The following CALN1 variants were observed in gnomAD, a reference collection of about 807,000 sequenced individuals.
CALN1 encodes calcium-binding protein 8.
A neutral mutation model predicts 30.6 loss-of-function variants in CALN1; 17 were observed. The ratio of observed to expected loss-of-function variants is 0.56; its 90% CI spans 0.38 to 0.83. The LOEUF (loss-of-function observed/expected upper bound fraction) is 0.83. Ranked by LOEUF, CALN1 falls within the 40% of genes least tolerant of loss-of-function variation. The pLI is 0.00. For missense variants in CALN1, 291 were observed against 354.9 expected, an observed-to-expected ratio of 0.82 and a Z score of 1.45; for synonymous variants, 156 against 131.4, an observed-to-expected ratio of 1.19 and a Z score of -1.28.
chr7:72,269,162 A>G (rs1796798583), intron 3 of CALN1, among the ~76,000 whole-genome samples: 1 of 152,190 alleles, frequency 6.6e-6, no homozygotes, highest in African/African-American at 2.4e-5. Context: ...TGGGTTCCCC[A>G]TGAACATCTG....
intron 5 of CALN1, among the ~76,000 whole-genome samples, chr7:71,923,027 T>TCTATA (rs112246797): frequency 0.16 from 24,283 of 149,584 alleles, 2,279 homozygotes; most frequent in Non-Finnish European, 0.22. Flanking sequence ...ACTATACTAT[T>TCTATA]CTATACTATA....
chr7:72,401,152 T>C (rs1243650961), intron 2 of CALN1, among the ~76,000 whole-genome samples: 3 of 152,152 alleles, frequency 2.0e-5, no homozygotes, highest in African/African-American at 4.8e-5. Flanking sequence ...TTCTACTCCT[T>C]TCTCTCAAGG....
intron 4 of CALN1, among the ~76,000 whole-genome samples, chr7:72,035,264 C>T (rs1245255571): frequency 2.6e-5 from 4 of 152,076 alleles, no homozygotes; most frequent in Non-Finnish European, 5.9e-5. Context: ...ACCCATGAAA[C>T]CATAGCTCCT....
intron 4 of CALN1, among the ~76,000 whole-genome samples, chr7:72,031,722 C>G (rs998526747): frequency 9.9e-5 from 15 of 150,912 alleles, no homozygotes; most frequent in Non-Finnish European, 1.8e-4. Flanking sequence ...TATGTGCCAC[C>G]ACGCCTGGCT....
chr7:71,921,122 CAT>C (rs1794923430), intron 5 of CALN1, among the ~76,000 whole-genome samples: 1 of 152,186 alleles, frequency 6.6e-6, no homozygotes, highest in African/African-American at 2.4e-5. Context: ...CCAAACACCA[CAT>C]ACTCTCACTC....
chr7:72,014,991 C>T (rs1487158364), intron 5 of CALN1, among the ~76,000 whole-genome samples: 1 of 152,124 alleles, frequency 6.6e-6, no homozygotes, highest in Non-Finnish European at 1.5e-5. Context: ...TTCTTATAAT[C>T]TAATAGTATA....
At chr7:72,485,548 AGATT>A in the CALN1 span, among the ~76,000 whole-genome samples, 1 of 152,254 alleles carries the variant, frequency 6.6e-6, no homozygotes, top group African/African-American at 2.4e-5. Flanking sequence ...TGCATAAGCT[AGATT>A]GATCTGTGGC....
chr7:72,319,135 G>A (rs1417522714), intron 2 of CALN1, among the ~76,000 whole-genome samples: 4 of 152,294 alleles, frequency 2.6e-5, no homozygotes, highest in South Asian at 4.1e-4. Flanking sequence ...ATCAACTTAA[G>A]TGTCCATCAA....
At chr7:72,357,743 G>A (rs1031159627) in intron 2 of CALN1, among the ~76,000 whole-genome samples, 1 of 151,104 alleles carries the variant, frequency 6.6e-6, no homozygotes, top group Non-Finnish European at 1.5e-5. Flanking sequence ...GTTGGCAGAG[G>A]TAAAAAGAAA....
In CALN1 at chr7:72,183,722, T is replaced by C. The variant is rs140258630; in HGVS notation, c.245-77428A>G. Among the ~76,000 whole-genome samples the C allele has an allele frequency of 8.3e-4, 126 of 152,290 alleles. 2 individuals carry two copies. In the East Asian group the frequency reaches 0.013, roughly 16 times the overall value. ...GAAATAAACTCATCAGGATTTCCATTTTAAAAACACATGCAGGGCAACTCA... is the reference window on the plus strand; with the variant it reads ...GAAATAAACTCATCAGGATTTCCATCTTAAAAACACATGCAGGGCAACTCA... On this transcript the variant is annotated intron_variant, in intron 3 of 6. Transcript: ENST00000395275.
intron 1 of CALN1, among the ~76,000 whole-genome samples, chr7:72,406,369 G>A (rs779523646): frequency 6.6e-6 from 1 of 152,130 alleles, no homozygotes; most frequent in South Asian, 2.1e-4. Flanking sequence ...ACAGCCTTAT[G>A]CATCTTGGGA....
At chr7:71,888,281 C>T (rs1159081937) in intron 5 of CALN1, among the ~76,000 whole-genome samples, 1 of 150,428 alleles carries the variant, frequency 6.6e-6, no homozygotes, top group Non-Finnish European at 1.5e-5. Flanking sequence ...TGCTAATGGG[C>T]GTGGGTTTAT....
upstream of CALN1, among the ~76,000 whole-genome samples, chr7:72,412,745 T>C (rs569209726): frequency 1.3e-5 from 2 of 152,278 alleles, no homozygotes; most frequent in East Asian, 3.9e-4. Flanking sequence ...AATCAAGCCC[T>C]TGTCAAAGTC....
chr7:72,079,651 G>A lies in CALN1; in HGVS notation c.388+26500C>T, dbSNP rs147009072. Among the ~76,000 whole-genome samples, 1,180 of 151,740 alleles carry A rather than the reference G, an allele frequency of 7.8e-3. 5 individuals carry two copies. The highest frequency in any genetic ancestry group is 0.012 in the Non-Finnish European group (821 of 67,964). Reference sequence around the variant, plus strand: ...TTTCTGGGTCACCATGGTCGTAGTCGCTTCTGTTGTTTTTTAGGAACTTGG... The same window carrying A: ...TTTCTGGGTCACCATGGTCGTAGTCACTTCTGTTGTTTTTTAGGAACTTGG... On this transcript the variant is annotated intron_variant, in intron 4 of 6. Transcript: ENST00000395275.
intron 3 of CALN1, among the ~76,000 whole-genome samples, chr7:72,230,542 G>A (rs1046050739): frequency 6.6e-6 from 1 of 151,580 alleles, no homozygotes; most frequent in East Asian, 1.9e-4. Flanking sequence ...AGGACAGTAG[G>A]AGAGTCAGAG....
intron 3 of CALN1, among the ~76,000 whole-genome samples, chr7:72,276,123 C>T (rs868185335): frequency 6.6e-6 from 1 of 152,146 alleles, no homozygotes; most frequent in African/African-American, 2.4e-5. Flanking sequence ...TAAATAATTG[C>T]CCAAAACATA....
At chr7:71,830,231 T>C (rs1042054414) in intron 5 of CALN1, among the ~76,000 whole-genome samples, 2 of 152,018 alleles carry the variant, frequency 1.3e-5, no homozygotes, top group Non-Finnish European at 2.9e-5. Context: ...TTAGTAGAGA[T>C]GGGTTTTCTT....
At chr7:72,082,638 A>G (rs1169537319) in intron 4 of CALN1, among the ~76,000 whole-genome samples, 1 of 152,202 alleles carries the variant, frequency 6.6e-6, no homozygotes, top group Non-Finnish European at 1.5e-5. Flanking sequence ...ACATCTGCAG[A>G]GTTTTCTCAT....
At chr7:71,974,602 G>T (rs1265444288) in intron 5 of CALN1, among the ~76,000 whole-genome samples, 3 of 152,134 alleles carry the variant, frequency 2.0e-5, no homozygotes, top group African/African-American at 7.2e-5. Flanking sequence ...ATTCTGGGCA[G>T]AAAGCAGTAG....
Sources: allele counts gnomAD v4.1 joint callset (sites outside exome capture counted in the v4.1 genomes callset), GRCh38; gene constraint gnomAD v4.1.1; transcripts MANE v1.5; gene names NCBI Gene and HGNC (gene_info 2026-07-23, HGNC 2026-07-21).